The following MREG variants were observed in gnomAD, a reference collection of about 807,000 sequenced individuals.
MREG encodes the protein melanoregulin.
Under a neutral mutation model 28.5 loss-of-function variants are expected in MREG, and 31 were observed. The ratio of observed to expected loss-of-function variants is 1.09; its 90% CI spans 0.82 to 1.47. The LOEUF is 1.47. MREG is among the 40% of genes most tolerant of loss of function. The pLI is 0.00. For synonymous variants in MREG, 106 were observed against 95.2 expected (o/e 1.11, Z -0.66); for missense variants, 256 against 257.4 (o/e 0.99, Z 0.04).
At chr2:216,008,208 G>T (rs1694212517) in intron 1 of MREG, among the ~76,000 whole-genome samples, 1 of 152,074 alleles carries the variant, frequency 6.6e-6, no homozygotes, top group Admixed American at 6.5e-5. Context: ...AAGTGTCTCT[G>T]ACAAGGAAGT....
At chr2:215,979,992 A>G (rs1010086806) in intron 2 of MREG, among the ~76,000 whole-genome samples, 1 of 136,842 alleles carries the variant, frequency 7.3e-6, no homozygotes. Flanking sequence ...AAAAAAAAAC[A>G]AAAAAAACTA....
At chr2:216,024,487 C>G (rs888515124) in intron 1 of MREG, among the ~76,000 whole-genome samples, 2 of 151,410 alleles carry the variant, frequency 1.3e-5, no homozygotes, top group African/African-American at 4.8e-5. Flanking sequence ...TCTCTTTTGT[C>G]CCTAAGCCAA....
intron 1 of MREG, among the ~76,000 whole-genome samples, chr2:216,006,512 G>A (rs982029837): frequency 4.6e-5 from 7 of 152,206 alleles, no homozygotes; most frequent in Admixed American, 1.3e-4. Context: ...GTCCGGCCCC[G>A]GAGCTACCGG....
chr2:215,979,877 A>G (rs970041054), intron 2 of MREG, among the ~76,000 whole-genome samples: 1 of 151,772 alleles, frequency 6.6e-6, no homozygotes, highest in East Asian at 1.9e-4. Context: ...TGTATATGTC[A>G]TCGACTGTGA....
intron 2 of MREG, among the ~76,000 whole-genome samples, chr2:215,974,449 C>A (rs1693186522): frequency 6.6e-6 from 1 of 152,072 alleles, no homozygotes; most frequent in Non-Finnish European, 1.5e-5. Context: ...CTCCTCGATG[C>A]CCCACCTGAG....
chr2:216,027,350 G>A (rs964961231), intron 1 of MREG, among the ~76,000 whole-genome samples: 2 of 152,166 alleles, frequency 1.3e-5, no homozygotes, highest in South Asian at 2.1e-4. Flanking sequence ...AGTAGAGTTC[G>A]AAGCTCTCTA....
In MREG at chr2:215,996,381, G is replaced by C. The variant is rs753903054; in HGVS notation, c.180C>G (p.Ser60=). Residue 60 remains serine (S), a synonymous_variant, in exon 2 of 5, where the codon TCC becomes TCG. Transcript: ENST00000263268. ...TTCTGTCGTCGTCTGCCTCTGTGTGGGACACATCATGGGGCATACTCCATA... is the reference window on the plus strand; with the variant it reads ...TTCTGTCGTCGTCTGCCTCTGTGTGCGACACATCATGGGGCATACTCCATA... ...KNLWSMPHDV[S]HTEADDDRTL... The C allele has an allele frequency of 3.7e-6, 6 of 1,613,612 alleles. No homozygotes were observed. In the African/African-American group the frequency reaches 8.0e-5, roughly 22 times the overall value.
chr2:215,952,760 T>C (rs1692522696), intron 2 of MREG, among the ~76,000 whole-genome samples: 2 of 152,128 alleles, frequency 1.3e-5, no homozygotes, highest in Admixed American at 6.6e-5. Flanking sequence ...GAGGTTTTCA[T>C]TTTTCATTTA....
intron 2 of MREG, among the ~76,000 whole-genome samples, chr2:215,981,561 T>C (rs1256692504): frequency 2.6e-5 from 4 of 152,140 alleles, no homozygotes; most frequent in Admixed American, 6.5e-5. Context: ...TGGAGATGCA[T>C]AATGGTGATT....
At chr2:215,987,844 A>G (rs1014354485) in intron 2 of MREG, among the ~76,000 whole-genome samples, 1 of 152,198 alleles carries the variant, frequency 6.6e-6, no homozygotes, top group Non-Finnish European at 1.5e-5. Context: ...CGGAGGTTGC[A>G]GTGAGCTGAG....
chr2:215,968,727 A>T (rs1048745563), intron 2 of MREG, among the ~76,000 whole-genome samples: 1 of 152,066 alleles, frequency 6.6e-6, no homozygotes, highest in Non-Finnish European at 1.5e-5. Flanking sequence ...TGGTAACTTA[A>T]TTTTTTGCTA....
At position 215,960,668 on chromosome 2, in the gene MREG, T is replaced by C. The variant is rs541833270; in HGVS notation, c.256-13555A>G. On this transcript the variant is annotated intron_variant, in intron 2 of 4. Transcript: ENST00000263268. ...GGCTAACATGGTGAAACCCCGTCTC[T>C]ACTAAAAATACAAAAATTAGCCAGG... Among the ~76,000 whole-genome samples, 7 of 152,070 alleles carry C rather than the reference T, an allele frequency of 4.6e-5. No individual in the cohort carries two copies. In the South Asian group the frequency reaches 1.0e-3, roughly 23 times the overall value.
intron 2 of MREG, among the ~76,000 whole-genome samples, chr2:215,960,423 C>G (rs1692748942): frequency 6.6e-6 from 1 of 152,214 alleles, no homozygotes; most frequent in East Asian, 1.9e-4. Flanking sequence ...CATGTAAAAG[C>G]CAAGTTCTGG....
chr2:215,945,790 C>T (rs1229069639), intron 3 of MREG, 56 bp from the exon 4 acceptor site: 12 of 1,471,362 alleles, frequency 8.2e-6, no homozygotes, highest in South Asian at 2.4e-5. Context: ...ACAAGTGTTC[C>T]GCAATACGGT....
intron 2 of MREG, among the ~76,000 whole-genome samples, chr2:215,964,188 T>C (rs1413662494): frequency 1.3e-5 from 2 of 152,038 alleles, no homozygotes; most frequent in African/African-American, 2.4e-5. Context: ...GGGGTTAATA[T>C]AGAAAGAAAG....
chr2:215,951,017 C>T (rs1381500973), intron 2 of MREG, among the ~76,000 whole-genome samples: 1 of 151,644 alleles, frequency 6.6e-6, no homozygotes, highest in Non-Finnish European at 1.5e-5. Flanking sequence ...CTGTCTCTTT[C>T]TCTCTCTCTC....
chr2:215,988,727 T>C (rs1449931444), intron 2 of MREG, among the ~76,000 whole-genome samples: 1 of 152,192 alleles, frequency 6.6e-6, no homozygotes, highest in African/African-American at 2.4e-5. Context: ...CCGCCATTCC[T>C]GAGGCTTGGG....
chr2:216,029,965 C>G (rs539473904), intron 1 of MREG, among the ~76,000 whole-genome samples: 1 of 152,296 alleles, frequency 6.6e-6, no homozygotes, highest in South Asian at 2.1e-4. Flanking sequence ...TCATGGTGGT[C>G]ACATGGGCTT....
chr2:215,989,136 C>T (rs1693657251), intron 2 of MREG, among the ~76,000 whole-genome samples: 1 of 152,196 alleles, frequency 6.6e-6, no homozygotes, highest in South Asian at 2.1e-4. Context: ...ATACCTCATA[C>T]AGGAGAGCTC....
Sources: allele counts gnomAD v4.1 joint callset (sites outside exome capture counted in the v4.1 genomes callset), GRCh38; gene constraint gnomAD v4.1.1; transcripts MANE v1.5; gene names NCBI Gene and HGNC (gene_info 2026-07-23, HGNC 2026-07-21).